The following NTRK2 variants were observed in gnomAD, a reference collection of about 807,000 sequenced individuals.
NTRK2 encodes neurotrophic receptor tyrosine kinase 2.
In NTRK2, 13 loss-of-function variants were observed where a neutral mutation model predicts 94.5. The ratio of observed to expected loss-of-function variants is 0.14; its 90% CI spans 0.09 to 0.22. The LOEUF (loss-of-function observed/expected upper bound fraction) is 0.22. Ranked by LOEUF, NTRK2 falls within the 10% of genes least tolerant of loss-of-function variation. NTRK2 has a pLI of 1.00. For synonymous variants in NTRK2, 372 were observed against 407.4 expected (o/e 0.91, Z 1.05); for missense variants, 639 against 1,071.2 (o/e 0.60, Z 5.63).
intron 14 of NTRK2, among the ~76,000 whole-genome samples, chr9:84,896,595 C>A (rs992168358): frequency 1.8e-4 from 28 of 152,208 alleles, no homozygotes; most frequent in Non-Finnish European, 4.1e-4. Flanking sequence ...TGAAATGGAA[C>A]TGGCAGAGTG....
At chr9:84,883,835 G>A (rs2076336599) in intron 14 of NTRK2, among the ~76,000 whole-genome samples, 1 of 152,166 alleles carries the variant, frequency 6.6e-6, no homozygotes, top group African/African-American at 2.4e-5. Context: ...AAAATAATTA[G>A]AAACTGGAGT....
chr9:84,951,646 G>A (rs1306169100), intron 16 of NTRK2, among the ~76,000 whole-genome samples: 1 of 152,150 alleles, frequency 6.6e-6, no homozygotes, highest in Non-Finnish European at 1.5e-5. Flanking sequence ...ACAGGCACCT[G>A]GTTCTCCCTT....
chr9:85,007,767 C>G (rs1289359377), intron 17 of NTRK2, among the ~76,000 whole-genome samples: 13 of 152,292 alleles, frequency 8.5e-5, no homozygotes. Flanking sequence ...ATGGGGATCC[C>G]TAACTGATAT....
chr9:84,812,143 A>G, intron 12 of NTRK2: 1 of 1,059,182 alleles, frequency 9.4e-7, no homozygotes, highest in Non-Finnish European at 1.1e-6. Context: ...ACAGTCAGAA[A>G]CATTGTTTTG....
At chr9:84,882,034 A>G (rs993796244) in intron 14 of NTRK2, among the ~76,000 whole-genome samples, 4 of 152,230 alleles carry the variant, frequency 2.6e-5, no homozygotes, top group African/African-American at 9.6e-5. Flanking sequence ...TAAGGCACTG[A>G]GAAGTTAGGC....
intron 12 of NTRK2, among the ~76,000 whole-genome samples, chr9:84,856,348 G>A (rs957371370): frequency 1.3e-5 from 2 of 152,244 alleles, no homozygotes; most frequent in Non-Finnish European, 2.9e-5. Context: ...AAATTGAAGT[G>A]GAAACTTGGC....
intron 14 of NTRK2, chr9:84,877,762 T>C: frequency 9.5e-7 from 1 of 1,056,364 alleles, no homozygotes. Context: ...CACGTGTATG[T>C]ATGAGTGACC....
At chr9:84,701,417 G>A (rs1008757532) in intron 2 of NTRK2, among the ~76,000 whole-genome samples, 10 of 152,188 alleles carry the variant, frequency 6.6e-5, no homozygotes, top group East Asian at 1.9e-4. Flanking sequence ...ATTTAATCTC[G>A]GGGAAGACTC....
Position 84,888,982 on chromosome 9 carries a change from ATTTTTTTT to A in NTRK2, c.1633+21570_1633+21577del, listed in dbSNP as rs71369159. Among the ~76,000 whole-genome samples, 147 of 101,712 alleles carry A rather than the reference ATTTTTTTT, an allele frequency of 1.4e-3. 14 individuals carry two copies. The highest frequency in any genetic ancestry group is 5.2e-3 in the African/African-American group (130 of 25,022). The allele number at this position is 101,712 out of a possible 152,430, so 66.7% of individuals were successfully genotyped here. ...TCCCCATTATTTATTAATGACAGAA[ATTTTTTTT>A]TTTTTTTTTTTTTTTTTTGAGACGG... On this transcript the variant is annotated intron_variant, in intron 14 of 18. Coordinates refer to ENST00000277120, the MANE Select transcript of NTRK2 (RefSeq NM_006180.6).
At chr9:84,822,174 G>C (rs934808279) in intron 12 of NTRK2, among the ~76,000 whole-genome samples, 23 of 152,122 alleles carry the variant, frequency 1.5e-4, no homozygotes, top group African/African-American at 5.5e-4. Context: ...TATTTCAGGG[G>C]GTCTCCATGC....
At chr9:84,777,474 C>T (rs10465179) in intron 12 of NTRK2, among the ~76,000 whole-genome samples, 93,907 of 152,074 alleles carry the variant, frequency 0.62, 29,638 homozygotes, top group South Asian at 0.68. Flanking sequence ...CTGAAACTTT[C>T]AGAAATATTG....
At chr9:84,934,023 A>T (rs1432548992) in intron 14 of NTRK2, 139 bp from the exon 15 acceptor site, 1 of 859,774 alleles carries the variant, frequency 1.2e-6, no homozygotes, top group Non-Finnish European at 1.9e-6. Context: ...GAAGATGGAC[A>T]CCCAGCTTCT....
intron 14 of NTRK2, 78 bp downstream of exon 14, chr9:84,867,509 T>C: frequency 3.3e-6 from 4 of 1,225,040 alleles, no homozygotes; most frequent in Non-Finnish European, 4.8e-6. Context: ...GAGCCCCTGA[T>C]AGGGATGACT....
At chr9:84,823,164 T>A (rs2056177376) in intron 12 of NTRK2, among the ~76,000 whole-genome samples, 1 of 152,210 alleles carries the variant, frequency 6.6e-6, no homozygotes, top group Admixed American at 6.5e-5. Context: ...ATTTTTGAGC[T>A]GTAGCTACCC....
rs554197803 is a variant in NTRK2, at chr9:84,935,202, GT to G, written c.1764+916del. Among the ~76,000 whole-genome samples, 119 of 150,986 alleles carry G rather than the reference GT, an allele frequency of 7.9e-4. 3 individuals carry two copies. The East Asian group carries it at 0.018, about 22-fold the overall frequency. The stretch of plus-strand genomic sequence containing the variant: ...TCTTGACATAATATAAGATTATTGA[GT>G]TTTTTGCTGTTTTATTTCTGCCAAA... On this transcript the variant is annotated intron_variant, in intron 15 of 18. Coordinates refer to ENST00000277120, the MANE Select transcript of NTRK2 (RefSeq NM_006180.6).
At chr9:84,809,435 A>G (rs2071498391) in intron 12 of NTRK2, among the ~76,000 whole-genome samples, 1 of 148,500 alleles carries the variant, frequency 6.7e-6, no homozygotes, top group Non-Finnish European at 1.5e-5. Context: ...TACATATACT[A>G]TATGTCTTAT....
intron 9 of NTRK2, among the ~76,000 whole-genome samples, chr9:84,739,764 G>A (rs2063508606): frequency 1.3e-5 from 2 of 152,190 alleles, no homozygotes; most frequent in Admixed American, 1.3e-4. Flanking sequence ...TCAGTCCTGG[G>A]CAGATGGAAA....
At chr9:84,906,606 G>A (rs1032318195) in intron 14 of NTRK2, among the ~76,000 whole-genome samples, 3 of 152,160 alleles carry the variant, frequency 2.0e-5, no homozygotes, top group African/African-American at 7.2e-5. Context: ...CAACCACTAC[G>A]TTGATGACCC....
At chr9:84,828,337 C>T (rs564401738) in intron 12 of NTRK2, among the ~76,000 whole-genome samples, 1 of 152,274 alleles carries the variant, frequency 6.6e-6, no homozygotes, top group South Asian at 2.1e-4. Context: ...AGAGCTATAA[C>T]TTCATTATAT....
Sources: allele counts gnomAD v4.1 joint callset (sites outside exome capture counted in the v4.1 genomes callset), GRCh38; gene constraint gnomAD v4.1.1; transcripts MANE v1.5; gene names NCBI Gene and HGNC (gene_info 2026-07-23, HGNC 2026-07-21).